The following SLC25A26 variants were observed in gnomAD, a reference collection of about 807,000 sequenced individuals.
SLC25A26 encodes the protein solute carrier family 25 member 26, also known as mitochondrial S-adenosylmethionine carrier protein.
Under a neutral mutation model 37.8 loss-of-function variants are expected in SLC25A26, and 36 were observed. The observed-to-expected ratio is 0.95, with a 90% confidence interval of 0.73 to 1.26. The LOEUF is 1.26. Among genes scored for constraint, SLC25A26 ranks in the 50% most tolerant of loss-of-function variants. The pLI, the probability that SLC25A26 is intolerant of heterozygous loss-of-function variation, is 0.00. For synonymous variants in SLC25A26, 129 were observed against 122.5 expected (o/e 1.05, Z -0.35); for missense variants, 390 against 331.1 (o/e 1.18, Z -1.38).
intron 5 of SLC25A26, among the ~76,000 whole-genome samples, chr3:66,303,032 G>T (rs1367413359): frequency 2.6e-5 from 4 of 152,188 alleles, no homozygotes; most frequent in Non-Finnish European, 5.9e-5. Flanking sequence ...CTACCCACTA[G>T]ATACCAGGAG....
intron 5 of SLC25A26, among the ~76,000 whole-genome samples, chr3:66,312,715 A>C (rs1269453526): frequency 6.6e-6 from 1 of 152,140 alleles, no homozygotes; most frequent in African/African-American, 2.4e-5. Flanking sequence ...ACCATTCCTC[A>C]TGACACAGTC....
chr3:66,257,376 T>C (rs1422246961), intron 3 of SLC25A26, among the ~76,000 whole-genome samples: 2 of 152,000 alleles, frequency 1.3e-5, no homozygotes, highest in African/African-American at 2.4e-5. Context: ...AAGAAAAGAC[T>C]CTGGAAGGCC....
chr3:66,241,861 A>G (rs2072601097), intron 2 of SLC25A26, among the ~76,000 whole-genome samples: 1 of 151,860 alleles, frequency 6.6e-6, no homozygotes, highest in Non-Finnish European at 1.5e-5. Context: ...AGAGAAGACC[A>G]TGTTTAGGAG....
At chr3:66,182,135 T>A (rs950050454) in intron 1 of SLC25A26, among the ~76,000 whole-genome samples, 1 of 152,124 alleles carries the variant, frequency 6.6e-6, no homozygotes, top group African/African-American at 2.4e-5. Flanking sequence ...GGGTCCGTGG[T>A]GGAGCAGATA....
intron 5 of SLC25A26, among the ~76,000 whole-genome samples, chr3:66,302,638 T>A (rs2075109286): frequency 6.6e-6 from 1 of 152,212 alleles, no homozygotes. Context: ...TTGATTCATG[T>A]GTAAAACATA....
chr3:66,303,781 C>T (rs528370656), intron 5 of SLC25A26, among the ~76,000 whole-genome samples: 9 of 152,350 alleles, frequency 5.9e-5, no homozygotes, highest in African/African-American at 1.9e-4. Context: ...GTTCTCCATT[C>T]ACTGTTTCAC....
intron 1 of SLC25A26, among the ~76,000 whole-genome samples, chr3:66,173,575 C>G (rs1336962804): frequency 1.3e-5 from 2 of 152,182 alleles, no homozygotes; most frequent in African/African-American, 2.4e-5. Context: ...TTTTCTGATT[C>G]TCTTTGATGA....
chr3:66,281,995 CATTTTTTTTTTT>C (rs1356429937), intron 5 of SLC25A26, among the ~76,000 whole-genome samples: 38 of 87,840 alleles, frequency 4.3e-4, no homozygotes, highest in South Asian at 2.7e-3. Context: ...ACTGATTTTG[CATTTTTTTTTTT>C]TTTTTTTTTT....
At chr3:66,345,707 C>G (rs1410182010) in intron 5 of SLC25A26, among the ~76,000 whole-genome samples, 1 of 152,156 alleles carries the variant, frequency 6.6e-6, no homozygotes, top group East Asian at 1.9e-4. Flanking sequence ...CTCTGTGTTT[C>G]TCCTTTAAAT....
chr3:66,301,436 A>AC (rs2107559290), intron 5 of SLC25A26, among the ~76,000 whole-genome samples: 1 of 152,328 alleles, frequency 6.6e-6, no homozygotes, highest in South Asian at 2.1e-4. Context: ...GGAGGGCACA[A>AC]CCAATTCGTC....
At chr3:66,173,949 A>G (rs2070537720) in intron 1 of SLC25A26, among the ~76,000 whole-genome samples, 1 of 152,088 alleles carries the variant, frequency 6.6e-6, no homozygotes, top group African/African-American at 2.4e-5. Context: ...GCTACTTGGG[A>G]GGCTGAGGCA....
At chr3:66,166,254 T>C (rs756372365) in intron 1 of SLC25A26, among the ~76,000 whole-genome samples, 7 of 152,176 alleles carry the variant, frequency 4.6e-5, no homozygotes, top group Non-Finnish European at 7.3e-5. Context: ...TTCTTTTTAT[T>C]TGGCTCCCTT....
At chr3:66,176,389 G>A (rs2070587313) in intron 1 of SLC25A26, among the ~76,000 whole-genome samples, 1 of 152,206 alleles carries the variant, frequency 6.6e-6, no homozygotes, top group African/African-American at 2.4e-5. Flanking sequence ...CACAGAGGAA[G>A]TGTGTGGATG....
At chr3:66,276,632 C>A (rs1219065506) in intron 5 of SLC25A26, among the ~76,000 whole-genome samples, 1 of 145,420 alleles carries the variant, frequency 6.9e-6, no homozygotes, top group Non-Finnish European at 1.5e-5. Flanking sequence ...TGTAGTCTGT[C>A]CTTTTTTGTT....
chr3:66,196,026 A>T (rs912258431), intron 1 of SLC25A26, among the ~76,000 whole-genome samples: 1,618 of 152,332 alleles, frequency 0.011, 32 homozygotes, highest in African/African-American at 0.037. Context: ...CAAACATAAA[A>T]ATAGGTTTCT....
At chr3:66,250,764 G>C (rs906117955) in intron 3 of SLC25A26, among the ~76,000 whole-genome samples, 9 of 152,140 alleles carry the variant, frequency 5.9e-5, no homozygotes, top group Admixed American at 5.2e-4. Flanking sequence ...GGGGTAGATG[G>C]ATGGGTGTTA....
intron 1 of SLC25A26, among the ~76,000 whole-genome samples, chr3:66,189,307 C>T (rs2070890989): frequency 6.6e-6 from 1 of 151,926 alleles, no homozygotes; most frequent in African/African-American, 2.4e-5. Flanking sequence ...TCACTAACCC[C>T]CTCACTGACC....
chr3:66,227,314 T>C (rs1300562639), intron 1 of SLC25A26, among the ~76,000 whole-genome samples: 2 of 152,260 alleles, frequency 1.3e-5, no homozygotes, highest in African/African-American at 4.8e-5. Flanking sequence ...TTATGTCTGA[T>C]TTTTGTTTAA....
chr3:66,319,744 CTTTTTTTTTTT>C (rs71105981), intron 5 of SLC25A26, among the ~76,000 whole-genome samples: 18 of 92,104 alleles, frequency 2.0e-4, no homozygotes, highest in Admixed American at 6.4e-4. Flanking sequence ...GCAATTAAAT[CTTTTTTTTTTT>C]TTTTTTTTTT....
Sources: allele counts gnomAD v4.1 joint callset (sites outside exome capture counted in the v4.1 genomes callset), GRCh38; gene constraint gnomAD v4.1.1; transcripts MANE v1.5; gene names NCBI Gene and HGNC (gene_info 2026-07-23, HGNC 2026-07-21).